COL9A2: variants seen among roughly 807,000 people sequenced by gnomAD.
COL9A2 encodes collagen alpha-2(IX) chain.
COL9A2 carries 66 observed loss-of-function variants against 111.6 expected under a neutral mutation model. The observed-to-expected ratio is 0.59, with a 90% CI of 0.48 to 0.73. The LOEUF (loss-of-function observed/expected upper bound fraction) is 0.73, where lower values mean the gene tolerates loss of function less well. COL9A2 is among the 30% of genes least tolerant of loss of function. COL9A2 has a pLI of 0.00. For missense variants in COL9A2, 881 were observed against 954.1 expected, an observed-to-expected ratio of 0.92 and a Z score of 1.01; for synonymous variants, 353 against 364.1, an observed-to-expected ratio of 0.97 and a Z score of 0.35.
In COL9A2 at chr1:40,302,985, G is replaced by T; in HGVS notation, c.1603+146C>A. On this transcript the variant is annotated intron_variant, in intron 29 of 31. Transcript: ENST00000372748. This position sits in a 1 kb window ranked among gnomAD's most constrained non-coding sequence, Gnocchi z 4.5. ...CAAAGGCCCAGAGTGACTTATTCAA[G>T]GTCCCAAAACCCTTCAGAGACTGGA... The T allele has an allele frequency of 9.2e-7, 1 of 1,083,888 alleles. No homozygotes were observed. The highest frequency in any genetic ancestry group is 1.4e-6 in the Non-Finnish European group (1 of 734,268). 67.1% of individuals were successfully genotyped at this position (1,083,888 alleles called of 1,614,324 possible). A position where few individuals can be genotyped will look rare whatever the true frequency, so the allele number is the denominator to read the frequency against.
In COL9A2 at chr1:40,314,448, C is replaced by T; in HGVS notation, c.151-61G>A. Reference sequence around the variant, plus strand: ...GCTCACACTACCCCAAGTGGGCACACACAGGCCCTGGCAGGCCGCTCCCAA... The same window carrying T: ...GCTCACACTACCCCAAGTGGGCACATACAGGCCCTGGCAGGCCGCTCCCAA... On this transcript the variant is annotated intron_variant, in intron 2 of 31. Coordinates refer to ENST00000372748, the MANE Select transcript of COL9A2 (RefSeq NM_001852.4). This position sits in a 1 kb window ranked among gnomAD's most constrained non-coding sequence, Gnocchi z 4.1. The T allele has an allele frequency of 6.2e-7, 1 of 1,607,114 alleles. No homozygotes were observed. Among genetic ancestry groups the T allele is most frequent in the Non-Finnish European group, 8.5e-7 (1 of 1,173,654 alleles).
At position 40,310,852 on chromosome 1, in the gene COL9A2, C is replaced by T; in HGVS notation, c.631-85G>A. ...AAGCAAAGATACCACCTCTTTTCCC[C>T]AGCACAAGCAGACGGGAGGGACTAC... On this transcript the variant is annotated intron_variant, in intron 12 of 31. Transcript: ENST00000372748. The surrounding 1 kb of genome is among the most constrained non-coding windows in gnomAD (Gnocchi z 4.9). 8.2e-7 allele frequency: 1 copy of T among 1,212,252 alleles called. No individual in the cohort carries two copies. The highest frequency in any genetic ancestry group is 1.2e-6 in the Non-Finnish European group (1 of 840,064). The allele number at this position is 1,212,252 out of a possible 1,614,324, so 75.1% of individuals were successfully genotyped here. A position where few individuals can be genotyped will look rare whatever the true frequency, so the allele number is the denominator to read the frequency against.
chr1:40,302,604 C>T lies in COL9A2; in HGVS notation c.1792+17G>A, dbSNP rs12038020. The T allele has an allele frequency of 0.015, 23,111 of 1,590,078 alleles. 1,027 individuals are homozygous for T. Among genetic ancestry groups the T allele is most frequent in the East Asian group, 0.14 (5,843 of 43,242 alleles). ...CTCACTGCCTGGCCCCCATGCCCAC[C>T]GCAGAGGAGCACTCACCCTTGGGCC... On this transcript the variant is annotated intron_variant, in intron 30 of 31. Transcript: ENST00000372748. This position sits in a 1 kb window ranked among gnomAD's most constrained non-coding sequence, Gnocchi z 4.5.
At position 40,310,401 on chromosome 1, in the gene COL9A2, A is replaced by T; in HGVS notation, c.685-84T>A. On this transcript the variant is annotated intron_variant, in intron 13 of 31. Transcript: ENST00000372748. The surrounding 1 kb of genome is among the most constrained non-coding windows in gnomAD (Gnocchi z 4.9). ...GTCTGATGCCCACCTTCAATCTTAC[A>T]GTGCCCTTTTGAGGTAGGCAGCAGA... is the stretch of plus-strand genomic sequence containing the variant. 1.4e-6 allele frequency: 2 copies of T among 1,404,652 alleles called. No individual in the cohort carries two copies. Among genetic ancestry groups the T allele is most frequent in the Non-Finnish European group, 2.0e-6 (2 of 993,738 alleles). 87.0% of individuals were successfully genotyped at this position (1,404,652 alleles called of 1,614,324 possible).
chr1:40,301,743 G>T, intron 31 of COL9A2, 69 bp downstream of exon 31: 4 of 1,446,076 alleles, frequency 2.8e-6, no homozygotes, highest in Non-Finnish European at 3.9e-6. Flanking sequence ...GGAGGAGACC[G>T]CAGTGTCCAC....
In COL9A2 at chr1:40,316,905, C is replaced by A. The variant is rs1644227810; in HGVS notation, c.75+218G>T. 1.3e-5 allele frequency among the ~76,000 whole-genome samples: 2 copies of A among 152,304 alleles called. No individual in the cohort carries two copies. The highest frequency in any genetic ancestry group is 4.1e-4 in the South Asian group (2 of 4,824). The stretch of plus-strand genomic sequence containing the variant: ...CCGGGCCGGGCCGCGCGTCTGGGGA[C>A]GGGTCCCGTTTGACTCTCCGGCTCA... On this transcript the variant is annotated intron_variant, in intron 1 of 31. Transcript: ENST00000372748. This position sits in a 1 kb window ranked among gnomAD's most constrained non-coding sequence, Gnocchi z 5.5.
intron 19 of COL9A2, among the ~76,000 whole-genome samples, chr1:40,306,842 C>CTTTTTT (rs1644037552): frequency 7.1e-6 from 1 of 140,498 alleles, no homozygotes. Flanking sequence ...TACTCAATAA[C>CTTTTTT]TATTTTTTTT....
rs779917331 is a variant in COL9A2, at chr1:40,302,761, G to A, written c.1652C>T (p.Ala551Val). Residue 551 changes from alanine (A) to valine (V), a missense_variant, in exon 30 of 32, where the codon GCG becomes GTG. By Grantham distance (64) the Ala-to-Val change is moderately conservative (BLOSUM62 0). Transcript: ENST00000372748. This position sits in a 1 kb window ranked among gnomAD's most constrained non-coding sequence, Gnocchi z 4.5. ...TCCTGGAGGACCCATCATGCCCACC[G>A]CACCCAGGGCTTCCCGCTTGGCACT... ...AVSAKREALG[A>V]VGMMGPPGPP... The A allele has an allele frequency of 4.3e-5, 56 of 1,314,774 alleles. No homozygotes were observed. Among genetic ancestry groups the A allele is most frequent in the Admixed American group, 8.8e-5 (4 of 45,572 alleles). The allele number at this position is 1,314,774 out of a possible 1,614,324, so 81.4% of individuals were successfully genotyped here.
chr1:40,317,001 G>T lies in COL9A2; in HGVS notation c.75+122C>A. 1 of 976,710 alleles carries T rather than the reference G, an allele frequency of 1.0e-6. No homozygotes were observed. Among genetic ancestry groups the T allele is most frequent in the Non-Finnish European group, 1.6e-6 (1 of 624,262 alleles). 60.5% of individuals were successfully genotyped at this position (976,710 alleles called of 1,614,324 possible). A position where few individuals can be genotyped will look rare whatever the true frequency, so the allele number is the denominator to read the frequency against. ...ACCGAGGGGACCTGCCCGCGGCGCT[G>T]TCCTCAGGTGGCCTCTCGGGCTAGG... On this transcript the variant is annotated intron_variant, in intron 1 of 31. Transcript: ENST00000372748. The surrounding 1 kb of genome is among the most constrained non-coding windows in gnomAD (Gnocchi z 4.3).
rs1021413444 is a variant in COL9A2, at chr1:40,311,582, C to T, written c.472-35G>A. 1.9e-6 allele frequency: 3 copies of T among 1,613,880 alleles called. No individual in the cohort carries two copies. In the African/African-American group the frequency reaches 4.0e-5, roughly 22 times the overall value. ...GACATGAAGATGGAGCTTGGCCTGA[C>T]CCTTTCCCGCCGCAGGCTTGCTCAA... On this transcript the variant is annotated intron_variant, in intron 9 of 31. Transcript: ENST00000372748. This position sits in a 1 kb window ranked among gnomAD's most constrained non-coding sequence, Gnocchi z 5.1.
rs1644189617 is a variant in COL9A2, at chr1:40,314,813, G to A, written c.151-426C>T. Among the ~76,000 whole-genome samples the A allele has an allele frequency of 2.0e-5, 3 of 152,162 alleles. No homozygotes were observed. The highest frequency in any genetic ancestry group is 2.9e-5 in the Non-Finnish European group (2 of 68,032). On this transcript the variant is annotated intron_variant, in intron 2 of 31. Transcript: ENST00000372748. The surrounding 1 kb of genome is among the most constrained non-coding windows in gnomAD (Gnocchi z 4.1). ...CTCTATTCCAGACTGCAGGGCAGGA[G>A]AACGGGAAGCTGAGCCAGTGGCAAG...
rs192939458 is a variant in COL9A2 at position 40,307,376 on chromosome 1, G to C, written c.1008+70C>G. On this transcript the variant is annotated intron_variant, in intron 19 of 31. Transcript: ENST00000372748. The surrounding 1 kb of genome is among the most constrained non-coding windows in gnomAD (Gnocchi z 4.8). ...GGTGGTGATTGAGCAAGAGCCCCGG[G>C]TGTGTGTGGATTCTAACCTCATCAG... 60 of 1,439,036 alleles carry C rather than the reference G, an allele frequency of 4.2e-5. No homozygotes were observed. In the East Asian group the frequency reaches 4.4e-4, roughly 11 times the overall value. The allele number at this position is 1,439,036 out of a possible 1,614,324, so 89.1% of individuals were successfully genotyped here.
At chr1:40,306,994 G>A (rs1644039978) in intron 19 of COL9A2, among the ~76,000 whole-genome samples, 2 of 152,034 alleles carry the variant, frequency 1.3e-5, no homozygotes, top group African/African-American at 4.8e-5. Flanking sequence ...ACAGGCATGA[G>A]CCGCCACGCC....
In COL9A2 at chr1:40,314,850, A is replaced by T. The variant is rs150553533; in HGVS notation, c.151-463T>A. 6.6e-6 allele frequency among the ~76,000 whole-genome samples: 1 copy of T among 152,168 alleles called. No individual in the cohort carries two copies. Among genetic ancestry groups the T allele is most frequent in the African/African-American group, 2.4e-5 (1 of 41,528 alleles). ...GAGCCAGTGGCAAGGACCAAGGGGG[A>T]CTGCAAGGGGGAAATTCAGTGTTCC... On this transcript the variant is annotated intron_variant, in intron 2 of 31. Coordinates refer to ENST00000372748, the MANE Select transcript of COL9A2 (RefSeq NM_001852.4). This position sits in a 1 kb window ranked among gnomAD's most constrained non-coding sequence, Gnocchi z 4.1.
rs1398353425 is a variant in COL9A2 at position 40,311,725 on chromosome 1, A to G, written c.418-10T>C. The G allele has an allele frequency of 8.2e-5, 132 of 1,613,492 alleles. No homozygotes were observed. The highest frequency in any genetic ancestry group is 1.1e-4 in the Non-Finnish European group (129 of 1,179,940). On this transcript the variant is annotated splice_polypyrimidine_tract_variant and intron_variant, in intron 8 of 31. Transcript: ENST00000372748. The surrounding 1 kb of genome is among the most constrained non-coding windows in gnomAD (Gnocchi z 5.1). ...CTGGTCCAGGGTCCCCCTGGAAGCAAAAGAAGCCCAAATCATACCCCTGAC... is the reference window on the plus strand; with the variant it reads ...CTGGTCCAGGGTCCCCCTGGAAGCAGAAGAAGCCCAAATCATACCCCTGAC...
In COL9A2 at chr1:40,314,090, G is replaced by A; in HGVS notation, c.249+115C>T. The A allele has an allele frequency of 8.7e-7, 1 of 1,151,638 alleles. No homozygotes were observed. 71.3% of individuals were successfully genotyped at this position (1,151,638 alleles called of 1,614,324 possible). On this transcript the variant is annotated intron_variant, in intron 4 of 31. Coordinates refer to ENST00000372748, the MANE Select transcript of COL9A2 (RefSeq NM_001852.4). The surrounding 1 kb of genome is among the most constrained non-coding windows in gnomAD (Gnocchi z 4.1). Reference sequence around the variant, plus strand: ...TCAAGGTGAGGGGGGCTCACAGCTGGAGAATCTCCATCCTGCTGCCCATCT... The same window carrying A: ...TCAAGGTGAGGGGGGCTCACAGCTGAAGAATCTCCATCCTGCTGCCCATCT...
In COL9A2 at chr1:40,302,792, C is replaced by T. The variant is rs200325312; in HGVS notation, c.1621G>A (p.Ala541Thr). ...AGGGCTTCCCGCTTGGCACTCACGG[C>T]GACCTCTGCCAGTTGCTCTGGAGGG... ...KMLQEQLAEV[A>T]VSAKREALGA... Residue 541 changes from alanine (A) to threonine (T), a missense_variant, in exon 30 of 32, where the codon GCC becomes ACC. Coordinates refer to ENST00000372748, the MANE Select transcript of COL9A2 (RefSeq NM_001852.4). The surrounding 1 kb of genome is among the most constrained non-coding windows in gnomAD (Gnocchi z 4.5). 1.4e-4 allele frequency: 210 copies of T among 1,539,952 alleles called. No homozygotes were observed. The African/African-American group carries it at 2.2e-3, about 16-fold the overall frequency.
rs1644043648 is a variant in COL9A2 at position 40,307,232 on chromosome 1, G to A, written c.1008+214C>T. On this transcript the variant is annotated intron_variant, in intron 19 of 31. Transcript: ENST00000372748. This position sits in a 1 kb window ranked among gnomAD's most constrained non-coding sequence, Gnocchi z 4.8. ...TGGAAGGTGCTATAGTGCAGAAATG[G>A]TCAGATCCCATTTAGCCAACATGGA... Among the ~76,000 whole-genome samples the A allele has an allele frequency of 6.6e-6, 1 of 152,238 alleles. No individual in the cohort carries two copies. The highest frequency in any genetic ancestry group is 1.5e-5 in the Non-Finnish European group (1 of 68,042).
Position 40,311,396 on chromosome 1 carries a change from G to GC in COL9A2, c.519+103dup. ...CACCTGGTGGAACCCCTGCACTGCA[G>GC]CCCCTCCCCATCTCTCCAGACACCC... On this transcript the variant is annotated intron_variant, in intron 10 of 31. Transcript: ENST00000372748. The surrounding 1 kb of genome is among the most constrained non-coding windows in gnomAD (Gnocchi z 5.1). 6.4e-7 allele frequency: 1 copy of GC among 1,573,324 alleles called. No homozygotes were observed. Among genetic ancestry groups the GC allele is most frequent in the South Asian group, 1.1e-5 (1 of 88,868 alleles).
Sources: allele counts gnomAD v4.1 joint callset (sites outside exome capture counted in the v4.1 genomes callset), GRCh38; gene constraint gnomAD v4.1.1; non-coding constraint Gnocchi (gnomAD v3.1); transcripts MANE v1.5; gene names NCBI Gene and HGNC (gene_info 2026-07-23, HGNC 2026-07-21).